The following DYNC2H1 variants were observed in gnomAD, a reference collection of about 807,000 sequenced individuals.
DYNC2H1 encodes dynein cytoplasmic 2 heavy chain 1.
A neutral mutation model predicts 570.0 loss-of-function variants in DYNC2H1; 410 were observed. That is an observed-to-expected ratio of 0.72 (90% CI 0.66 to 0.78). DYNC2H1 has a LOEUF of 0.78. Ranked by LOEUF, DYNC2H1 falls within the 30% of genes least tolerant of loss-of-function variation. The pLI, the probability that DYNC2H1 is intolerant of heterozygous loss-of-function variation, is 0.00. For missense variants in DYNC2H1, 4,865 were observed against 5,046.4 expected (o/e 0.96, Z 1.09); for synonymous variants, 1,688 against 1,677.6 (o/e 1.01, Z -0.15).
intron 83 of DYNC2H1, among the ~76,000 whole-genome samples, chr11:103,389,278 T>G (rs938291586): frequency 2.0e-5 from 3 of 152,188 alleles, no homozygotes; most frequent in Non-Finnish European, 2.9e-5. Context: ...CATTTTCTAG[T>G]TTATTTGTGT....
chr11:103,407,319 C>G (rs946486949), intron 84 of DYNC2H1: 1 of 151,760 alleles, frequency 6.6e-6, no homozygotes, highest in Non-Finnish European at 1.5e-5. Context: ...TTTAGGACAT[C>G]GCGTAATAGG....
At chr11:103,112,808 T>C (rs778986069) in intron 1 of DYNC2H1, among the ~76,000 whole-genome samples, 8 of 152,232 alleles carry the variant, frequency 5.3e-5, no homozygotes, top group Non-Finnish European at 1.2e-4. Flanking sequence ...AGAATGTGTG[T>C]ATAATGCAAA....
intron 78 of DYNC2H1, among the ~76,000 whole-genome samples, chr11:103,309,168 A>ATTTTTTTTTTGTTTTTTTTTTTTTTTTT (rs1867445630): frequency 1.8e-5 from 1 of 54,620 alleles, no homozygotes; most frequent in East Asian, 5.1e-4. Context: ...ACTGCATGCT[A>ATTTTTTTTTTGTTTTTTTTTTTTTTTTT]TTTTTTTTTT....
chr11:103,425,495 C>G (rs1943634761), intron 84 of DYNC2H1, among the ~76,000 whole-genome samples: 1 of 152,014 alleles, frequency 6.6e-6, no homozygotes, highest in African/African-American at 2.4e-5. Context: ...GGTGAAGCCT[C>G]ATAACCTTCA....
intron 1 of DYNC2H1, among the ~76,000 whole-genome samples, chr11:103,110,271 C>T (rs1267972952): frequency 6.6e-6 from 1 of 152,112 alleles, no homozygotes; most frequent in South Asian, 2.1e-4. Context: ...TCCGGCCTCC[C>T]AAAGTGCTGG....
intron 47 of DYNC2H1, among the ~76,000 whole-genome samples, chr11:103,196,373 G>T (rs1366013992): frequency 6.6e-6 from 1 of 152,068 alleles, no homozygotes; most frequent in African/African-American, 2.4e-5. Flanking sequence ...ATTTATGAGG[G>T]TAGGAATCAT....
intron 79 of DYNC2H1, among the ~76,000 whole-genome samples, chr11:103,315,092 T>C (rs1937744868): frequency 6.6e-6 from 1 of 151,766 alleles, no homozygotes; most frequent in African/African-American, 2.4e-5. Flanking sequence ...TCCACAATGT[T>C]CTTTTTTTAA....
chr11:103,271,967 T>C (rs538089195), intron 70 of DYNC2H1, among the ~76,000 whole-genome samples: 1 of 152,186 alleles, frequency 6.6e-6, no homozygotes, highest in Non-Finnish European at 1.5e-5. Context: ...GCTTTTACAC[T>C]GTTGGTGGGA....
intron 84 of DYNC2H1, among the ~76,000 whole-genome samples, chr11:103,416,119 G>A (rs77592830): frequency 0.031 from 4,732 of 152,214 alleles, 177 homozygotes; most frequent in African/African-American, 0.082. Context: ...CTGGACACAG[G>A]AAGGGAACCA....
intron 36 of DYNC2H1, 148 bp from the exon 37 acceptor site, chr11:103,176,087 C>T: frequency 1.9e-6 from 1 of 528,764 alleles, no homozygotes; most frequent in Non-Finnish European, 3.0e-6. Context: ...AGTAAGCTTG[C>T]CAATTCATGT....
At chr11:103,123,651 A>G (rs562262611) in intron 11 of DYNC2H1, among the ~76,000 whole-genome samples, 10 of 152,154 alleles carry the variant, frequency 6.6e-5, no homozygotes, top group African/African-American at 9.7e-5. Flanking sequence ...AAAAAAAACC[A>G]GTGCTTTAGT....
In DYNC2H1 at chr11:103,134,424, A is replaced by T. The variant is rs1336693277; in HGVS notation, c.2205+5A>T. On this transcript the variant is annotated splice_donor_5th_base_variant and intron_variant, in intron 15 of 88. Transcript: ENST00000375735. Reference sequence around the variant, plus strand: ...TTAGCAACTGTAGAAGCACAGGTAGAGTATGTTTTATTTTGTGTGTATACT... The same window carrying T: ...TTAGCAACTGTAGAAGCACAGGTAGTGTATGTTTTATTTTGTGTGTATACT... 2 of 1,604,738 alleles carry T rather than the reference A, an allele frequency of 1.2e-6. No homozygotes were observed. The highest frequency in any genetic ancestry group is 1.7e-6 in the Non-Finnish European group (2 of 1,174,640).
chr11:103,374,722 T>A lies in DYNC2H1; in HGVS notation c.12156+16363T>A, dbSNP rs368852413. On this transcript the variant is annotated intron_variant, in intron 83 of 88. Coordinates refer to ENST00000375735, the MANE Select transcript of DYNC2H1 (RefSeq NM_001377.3). ...GCTTTTTGACCCTGCCCTAGAGAAC[T>A]GTGGAACTTTGAACTTGAGAGAGAT... is the stretch of plus-strand genomic sequence containing the variant. 3.3e-5 allele frequency among the ~76,000 whole-genome samples: 5 copies of A among 152,276 alleles called. No individual in the cohort carries two copies. The South Asian group carries it at 1.0e-3, about 32-fold the overall frequency.
Position 103,196,861 on chromosome 11 carries a change from C to A in DYNC2H1, c.7709-1072C>A, listed in dbSNP as rs148653436. On this transcript the variant is annotated intron_variant, in intron 47 of 88. Coordinates refer to ENST00000375735, the MANE Select transcript of DYNC2H1 (RefSeq NM_001377.3). ...ATAAGTTTTAGTATAGTAGCCTGTA[C>A]AGATAGAAAATAATGTAAAAAATGT... 8.7e-3 allele frequency among the ~76,000 whole-genome samples: 1,330 copies of A among 152,020 alleles called. 15 individuals are homozygous for A. The highest frequency in any genetic ancestry group is 0.031 in the African/African-American group (1,266 of 41,428).
At position 103,199,442 on chromosome 11, in the gene DYNC2H1, A is replaced by G; in HGVS notation, c.8054A>G (p.Tyr2685Cys). The change falls in exon 49 of 89, where the codon TAT becomes TGT. Residue 2685 changes from tyrosine (Y) to cysteine (C), a missense_variant. Coordinates refer to ENST00000375735, the MANE Select transcript of DYNC2H1 (RefSeq NM_001377.3). This position sits in a 1 kb window ranked among gnomAD's most constrained non-coding sequence, Gnocchi z 4.6. Reference protein sequence around the residue: ...VLFSPKISRGYELKQFKNDLK... With the variant: ...VLFSPKISRGCELKQFKNDLK... ...TTTTCTCCAAAGATTTCCAGAGGAT[A>G]TGAACTGAAGCAGTTCAAAAATGAT... 7 of 1,606,770 alleles carry G rather than the reference A, an allele frequency of 4.4e-6. No individual in the cohort carries two copies. Among genetic ancestry groups the G allele is most frequent in the Non-Finnish European group, 6.0e-6 (7 of 1,176,012 alleles).
intron 85 of DYNC2H1, among the ~76,000 whole-genome samples, chr11:103,440,311 T>G (rs1242542334): frequency 6.6e-6 from 1 of 152,176 alleles, no homozygotes; most frequent in Admixed American, 6.6e-5. Flanking sequence ...CTTGGAGTGC[T>G]GTGTGTTAAA....
chr11:103,453,746 CTG>C (rs566235001), intron 85 of DYNC2H1, among the ~76,000 whole-genome samples: 419 of 150,714 alleles, frequency 2.8e-3, no homozygotes, highest in Middle Eastern at 0.011. Context: ...TATTAAATGA[CTG>C]TTTTAAAATA....
chr11:103,323,188 G>T (rs1938302282), intron 81 of DYNC2H1, among the ~76,000 whole-genome samples: 1 of 152,140 alleles, frequency 6.6e-6, no homozygotes, highest in African/African-American at 2.4e-5. Context: ...CCATGTTTAG[G>T]CCAAACTGAA....
At position 103,245,431 on chromosome 11, in the gene DYNC2H1, A is replaced by G. The variant is rs1591467316; in HGVS notation, c.10042+57A>G. On this transcript the variant is annotated intron_variant, in intron 65 of 88. Coordinates refer to ENST00000375735, the MANE Select transcript of DYNC2H1 (RefSeq NM_001377.3). This position sits in a 1 kb window ranked among gnomAD's most constrained non-coding sequence, Gnocchi z 4.5. ...ATTTTTAAAATTTCCAAAGTAAGTA[A>G]TTAAACCAGGTGCAAGCTTTCAAGA... is the stretch of plus-strand genomic sequence containing the variant. 1 of 1,507,448 alleles carries G rather than the reference A, an allele frequency of 6.6e-7. No individual in the cohort carries two copies. Among genetic ancestry groups the G allele is most frequent in the East Asian group, 2.5e-5 (1 of 40,310 alleles). 93.4% of individuals were successfully genotyped at this position (1,507,448 alleles called of 1,614,324 possible). A position where few individuals can be genotyped will look rare whatever the true frequency, so the allele number is the denominator to read the frequency against.
Sources: gnomAD v4.1 joint callset for allele counts (sites outside exome capture counted in the v4.1 genomes callset) on GRCh38, gnomAD v4.1.1 for gene constraint, Gnocchi (gnomAD v3.1) non-coding constraint, MANE v1.5 for transcripts, NCBI Gene and HGNC (gene_info 2026-07-23, HGNC 2026-07-21) for gene names.